The following CEP112 variants were observed in gnomAD, a reference collection of about 807,000 sequenced individuals.
CEP112 encodes the protein centrosomal protein of 112 kDa.
In CEP112, 127 loss-of-function variants were observed where a neutral mutation model predicts 153.0. The observed-to-expected ratio is 0.83, with a 90% CI of 0.72 to 0.96. The LOEUF is 0.96. Among genes scored for constraint, CEP112 ranks in the 40% least tolerant of loss-of-function variants. The pLI is 0.00. For missense variants in CEP112, 1,089 were observed against 1,101.2 expected, an observed-to-expected ratio of 0.99 and a Z score of 0.16; for synonymous variants, 358 against 374.4, an observed-to-expected ratio of 0.96 and a Z score of 0.51.
intron 24 of CEP112, among the ~76,000 whole-genome samples, chr17:65,649,051 A>AAAAC (rs765883855): frequency 1.2e-3 from 171 of 146,290 alleles, no homozygotes; most frequent in South Asian, 1.8e-3. Flanking sequence ...AGTCTGTCTC[A>AAAAC]AAACAAACAA....
At chr17:66,035,187 T>G (rs1037232203) in intron 12 of CEP112, among the ~76,000 whole-genome samples, 1 of 151,362 alleles carries the variant, frequency 6.6e-6, no homozygotes, top group Non-Finnish European at 1.5e-5. Flanking sequence ...TGAAAAAAAT[T>G]ATCAGATCTG....
intron 24 of CEP112, among the ~76,000 whole-genome samples, chr17:65,663,359 T>G (rs766804680): frequency 6.6e-6 from 1 of 152,200 alleles, no homozygotes; most frequent in Non-Finnish European, 1.5e-5. Context: ...TATGGCAAAG[T>G]AGATGTTTGA....
At chr17:65,929,271 C>T (rs1465725053) in intron 18 of CEP112, among the ~76,000 whole-genome samples, 1 of 152,170 alleles carries the variant, frequency 6.6e-6, no homozygotes, top group Non-Finnish European at 1.5e-5. Flanking sequence ...TTCCACCACA[C>T]CCATGAGGCC....
At chr17:66,074,890 A>G (rs544358177) in intron 8 of CEP112, among the ~76,000 whole-genome samples, 1 of 150,494 alleles carries the variant, frequency 6.6e-6, no homozygotes, top group African/African-American at 2.4e-5. Context: ...AAAAAAAAAG[A>G]AAAATCTTAA....
intron 4 of CEP112, among the ~76,000 whole-genome samples, chr17:66,167,776 C>G (rs1208798379): frequency 1.3e-5 from 2 of 152,204 alleles, no homozygotes; most frequent in African/African-American, 4.8e-5. Flanking sequence ...ACTGGACTTT[C>G]CTGAAGCTGT....
intron 21 of CEP112, among the ~76,000 whole-genome samples, chr17:65,786,256 T>C (rs1196284059): frequency 6.6e-6 from 1 of 152,140 alleles, no homozygotes; most frequent in Non-Finnish European, 1.5e-5. Context: ...GATTTTTCTA[T>C]ATTGATCTTA....
At chr17:65,920,690 G>C (rs190225427) in intron 19 of CEP112, among the ~76,000 whole-genome samples, 2 of 151,706 alleles carry the variant, frequency 1.3e-5, no homozygotes, top group Non-Finnish European at 2.9e-5. Flanking sequence ...CTCTGAACAT[G>C]TTCGAGTTTG....
At chr17:65,942,601 C>T (rs1568268565) in intron 18 of CEP112, among the ~76,000 whole-genome samples, 2 of 152,132 alleles carry the variant, frequency 1.3e-5, no homozygotes, top group African/African-American at 4.8e-5. Flanking sequence ...AGTTGAATCC[C>T]CTTTTAGGGG....
chr17:66,135,103 C>T (rs68106766), intron 4 of CEP112, among the ~76,000 whole-genome samples: 20,101 of 152,164 alleles, frequency 0.13, 1,782 homozygotes, highest in Non-Finnish European at 0.2. Flanking sequence ...GCCCTACTTC[C>T]AATTCAACAT....
intron 4 of CEP112, among the ~76,000 whole-genome samples, chr17:66,139,818 C>G (rs565440094): frequency 4.6e-5 from 7 of 152,114 alleles, no homozygotes; most frequent in Non-Finnish European, 8.8e-5. Flanking sequence ...AAGAAAAGCC[C>G]AGAACCAGAT....
At chr17:65,910,070 C>T (rs2060228230) in intron 19 of CEP112, among the ~76,000 whole-genome samples, 1 of 152,008 alleles carries the variant, frequency 6.6e-6, no homozygotes, top group African/African-American at 2.4e-5. Flanking sequence ...AGTTAGAGTT[C>T]ACAGAAAAAA....
chr17:65,875,928 T>A (rs949186451), intron 20 of CEP112, among the ~76,000 whole-genome samples: 1 of 152,214 alleles, frequency 6.6e-6, no homozygotes, highest in Non-Finnish European at 1.5e-5. Context: ...CACAACCAGA[T>A]AATATGTTAC....
intron 23 of CEP112, among the ~76,000 whole-genome samples, chr17:65,725,461 G>A (rs1412056950): frequency 6.6e-6 from 1 of 151,900 alleles, no homozygotes; most frequent in African/African-American, 2.4e-5. Flanking sequence ...GAGATTACAG[G>A]TGCGCACCAC....
At chr17:65,939,817 C>T (rs769579621) in intron 18 of CEP112, among the ~76,000 whole-genome samples, 7 of 152,120 alleles carry the variant, frequency 4.6e-5, no homozygotes, top group Non-Finnish European at 1.0e-4. Flanking sequence ...AGCTTCCTGA[C>T]ATCAGTCTTA....
chr17:65,796,869 CA>C (rs1220753944), intron 21 of CEP112, among the ~76,000 whole-genome samples: 1,617 of 40,596 alleles, frequency 0.04, 20 homozygotes, highest in African/African-American at 0.12. Context: ...CCCATCTCTA[CA>C]AAAAAAAAAA....
intron 18 of CEP112, among the ~76,000 whole-genome samples, chr17:65,952,779 T>C (rs1486768754): frequency 6.6e-6 from 1 of 152,202 alleles, no homozygotes; most frequent in Non-Finnish European, 1.5e-5. Context: ...CTTGGTATTG[T>C]CAGCCAGTCT....
chr17:66,115,988 C>T (rs2069271880), intron 6 of CEP112, among the ~76,000 whole-genome samples: 1 of 152,098 alleles, frequency 6.6e-6, no homozygotes, highest in Non-Finnish European at 1.5e-5. Flanking sequence ...TCAATCAGCC[C>T]CAAAATGAAG....
chr17:65,723,988 G>A (rs2050037067), intron 23 of CEP112, among the ~76,000 whole-genome samples: 1 of 152,136 alleles, frequency 6.6e-6, no homozygotes, highest in Admixed American at 6.5e-5. Flanking sequence ...TGGTTAGAGG[G>A]CTTTATGAAG....
intron 24 of CEP112, among the ~76,000 whole-genome samples, chr17:65,680,281 A>G (rs1049300551): frequency 6.6e-6 from 1 of 152,208 alleles, no homozygotes; most frequent in Non-Finnish European, 1.5e-5. Flanking sequence ...TGATAAAAGA[A>G]TATCTTTAAT....
Sources: allele counts gnomAD v4.1 joint callset (sites outside exome capture counted in the v4.1 genomes callset), GRCh38; gene constraint gnomAD v4.1.1; transcripts MANE v1.5; gene names NCBI Gene and HGNC (gene_info 2026-07-23, HGNC 2026-07-21).